TCL1A: variants seen among roughly 807,000 people sequenced by gnomAD.
TCL1A encodes the protein TCL1 family AKT coactivator A.
Under a neutral mutation model 16.9 loss-of-function variants are expected in TCL1A, and 9 were observed. The ratio of observed to expected loss-of-function variants is 0.53; its 90% CI spans 0.32 to 0.93. The LOEUF (loss-of-function observed/expected upper bound fraction) is 0.93, where lower values mean the gene tolerates loss of function less well. TCL1A is among the 40% of genes least tolerant of loss of function. The pLI is 0.04. For missense variants in TCL1A, 139 were observed against 153.0 expected, an observed-to-expected ratio of 0.91 and a Z score of 0.48; for synonymous variants, 69 against 63.2, an observed-to-expected ratio of 1.09 and a Z score of -0.44.
chr14:95,711,817 G>C lies in TCL1A; in HGVS notation c.298-15C>G. On this transcript the variant is annotated splice_polypyrimidine_tract_variant and intron_variant, in intron 2 of 3. Coordinates refer to ENST00000402399, the MANE Select transcript of TCL1A (RefSeq NM_021966.3). ...ACGCCGTCAATCTGAGAGGCAGAGA[G>C]AGAGAGAAGGCATTGATCGGCCAGA... 1.2e-6 allele frequency: 2 copies of C among 1,608,300 alleles called. No homozygotes were observed. Among genetic ancestry groups the C allele is most frequent in the Non-Finnish European group, 1.7e-6 (2 of 1,179,810 alleles).
At chr14:95,713,858 G>A (rs552806437) in intron 1 of TCL1A, 89 bp downstream of exon 1, 4 of 1,564,958 alleles carry the variant, frequency 2.6e-6, no homozygotes, top group Admixed American at 3.5e-5. Context: ...CATAGTGAGT[G>A]CTCCTTGAGT....
In TCL1A at chr14:95,714,076, G is replaced by A. The variant is rs202169011; in HGVS notation, c.-10C>T. 2 of 1,613,150 alleles carry A rather than the reference G, an allele frequency of 1.2e-6. No individual in the cohort carries two copies. The highest frequency in any genetic ancestry group is 1.1e-5 in the South Asian group (1 of 91,054). Reference sequence around the variant, plus strand: ...TCGGGCACTCGGCCATGGCGTCCTCGGGCCGCCTAAGAAGCAAGAGCCAGA... The same window carrying A: ...TCGGGCACTCGGCCATGGCGTCCTCAGGCCGCCTAAGAAGCAAGAGCCAGA... On this transcript the variant is annotated 5_prime_UTR_variant, in exon 1 of 4. Coordinates refer to ENST00000402399, the MANE Select transcript of TCL1A (RefSeq NM_021966.3).
At chr14:95,712,155 A>C (rs2139720567) in intron 2 of TCL1A, 65 bp downstream of exon 2, 1 of 1,586,200 alleles carries the variant, frequency 6.3e-7, no homozygotes, top group Non-Finnish European at 8.7e-7. Context: ...TAAACCACTA[A>C]GGCCAGACAT....
chr14:95,712,517 G>A, intron 1 of TCL1A, 121 bp from the exon 2 acceptor site: 1 of 1,492,300 alleles, frequency 6.7e-7, no homozygotes, highest in Non-Finnish European at 8.9e-7. Context: ...GTCCGAGTGT[G>A]AAATGATGGT....
intron 1 of TCL1A, among the ~76,000 whole-genome samples, chr14:95,713,670 A>G (rs371622034): frequency 2.0e-5 from 3 of 152,334 alleles, no homozygotes; most frequent in Middle Eastern, 3.4e-3. Flanking sequence ...AGGACCCCGA[A>G]GCCCAGAAAA....
At chr14:95,713,506 T>G (rs567307767) in intron 1 of TCL1A, among the ~76,000 whole-genome samples, 2 of 152,258 alleles carry the variant, frequency 1.3e-5, no homozygotes, top group East Asian at 1.9e-4. Context: ...TAGTGGAAAA[T>G]ACTTCACACT....
At position 95,714,040 on chromosome 14, in the gene TCL1A, C is replaced by T. The variant is rs1372339740; in HGVS notation, c.27G>A (p.Glu9=). The change falls in exon 1 of 4, where the codon GAG becomes GAA. Residue 9 remains glutamate (E), a synonymous_variant. Transcript: ENST00000402399. The stretch of plus-strand genomic sequence containing the variant: ...GGCGGTCCGGGTGGTCGGTGACTGC[C>T]TCCCCGAGTGTCGGGCACTCGGCCA... The part of the protein sequence containing the change: MAECPTLG[E]AVTDHPDRLW... 2.5e-6 allele frequency: 4 copies of T among 1,614,072 alleles called. No homozygotes were observed. The highest frequency in any genetic ancestry group is 2.5e-6 in the Non-Finnish European group (3 of 1,180,032).
rs185093566 is a variant in TCL1A, at chr14:95,711,413, G to A, written c.*6+336C>T. 577 of 182,512 alleles carry A rather than the reference G, an allele frequency of 3.2e-3. 5 individuals carry two copies. Among genetic ancestry groups the A allele is most frequent in the African/African-American group, 0.012 (519 of 42,266 alleles). 11.3% of individuals were successfully genotyped at this position (182,512 alleles called of 1,614,324 possible). On this transcript the variant is annotated intron_variant, in intron 3 of 3. Transcript: ENST00000402399. The stretch of plus-strand genomic sequence containing the variant: ...GAACCCGGGAGGCAGAGCTTGCAGT[G>A]AGCTGAGATTGCACCACTACACTCT...
At position 95,712,301 on chromosome 14, in the gene TCL1A, C is replaced by T. The variant is rs1250164696; in HGVS notation, c.216G>A (p.Leu72=). The part of the protein sequence containing the change: ...MTPTQIGPSL[L]PIMWQLYPDG... ...CAGGGTAGAGCTGCCACATGATAGGCAGCAGGCTTGGGCCTATCTGGGTGG... is the reference window on the plus strand; with the variant it reads ...CAGGGTAGAGCTGCCACATGATAGGTAGCAGGCTTGGGCCTATCTGGGTGG... The change falls in exon 2 of 4, where the codon CTG becomes CTA. Residue 72 remains leucine (L), a synonymous_variant. Transcript: ENST00000402399. The T allele has an allele frequency of 3.7e-6, 6 of 1,614,066 alleles. No individual in the cohort carries two copies. In the Admixed American group the frequency reaches 1.0e-4, roughly 27 times the overall value.
chr14:95,712,722 G>T, intron 1 of TCL1A: 2 of 1,321,614 alleles, frequency 1.5e-6, no homozygotes, highest in Non-Finnish European at 2.0e-6. Flanking sequence ...CAGGAGGATC[G>T]CTTGAGGCCA....
chr14:95,712,790 A>G (rs1275362648), intron 1 of TCL1A: 5 of 753,782 alleles, frequency 6.6e-6, no homozygotes, highest in Non-Finnish European at 9.7e-6. Flanking sequence ...GGAAAAAAAA[A>G]AAACAACAAA....
rs772366831 is a variant in TCL1A, at chr14:95,712,372, C to T, written c.145G>A (p.Val49Met). Residue 49 changes from valine (V) to methionine (M), a missense_variant, in exon 2 of 4, where the codon GTG becomes ATG. Val to Met is a conservative substitution (Grantham distance 21). Around this residue, in one of 2 missense-constraint regions of TCL1A, gnomAD observed 94 missense variants for 80.2 expected, o/e 1.17. Coordinates refer to ENST00000402399, the MANE Select transcript of TCL1A (RefSeq NM_021966.3). ...IEIKDRLQLR[V>M]LLRREDVVLG... is the part of the protein sequence containing the mutation. ...ACGACGTCTTCCCGACGCAAGAGCACCCGTAACTGTAACCTATCCTTTATC... is the reference window on the plus strand; with the variant it reads ...ACGACGTCTTCCCGACGCAAGAGCATCCGTAACTGTAACCTATCCTTTATC... The T allele has an allele frequency of 5.6e-6, 9 of 1,612,436 alleles. No homozygotes were observed. Among genetic ancestry groups the T allele is most frequent in the Non-Finnish European group, 7.6e-6 (9 of 1,178,758 alleles).
At chr14:95,713,043 T>C (rs1886408924) in intron 1 of TCL1A, among the ~76,000 whole-genome samples, 1 of 152,216 alleles carries the variant, frequency 6.6e-6, no homozygotes, top group Non-Finnish European at 1.5e-5. Flanking sequence ...TTTAACTTGA[T>C]TTTTAAAGTA....
intron 1 of TCL1A, among the ~76,000 whole-genome samples, 155 bp downstream of exon 1, chr14:95,713,792 T>C (rs577156857): frequency 1.3e-5 from 2 of 152,328 alleles, no homozygotes; most frequent in South Asian, 2.1e-4. Flanking sequence ...AGAACTCCTA[T>C]TCATCCTCCA....
At chr14:95,713,525 G>A (rs976602687) in intron 1 of TCL1A, among the ~76,000 whole-genome samples, 1 of 152,304 alleles carries the variant, frequency 6.6e-6, no homozygotes, top group East Asian at 1.9e-4. Context: ...CTCTAGGCCA[G>A]TGTTTGCTAT....
At chr14:95,713,679 A>G (rs549321794) in intron 1 of TCL1A, among the ~76,000 whole-genome samples, 1 of 152,306 alleles carries the variant, frequency 6.6e-6, no homozygotes, top group African/African-American at 2.4e-5. Context: ...AAGCCCAGAA[A>G]ATGCCTGCTG....
At chr14:95,713,470 T>G (rs993696845) in intron 1 of TCL1A, among the ~76,000 whole-genome samples, 1 of 152,192 alleles carries the variant, frequency 6.6e-6, no homozygotes, top group East Asian at 1.9e-4. Flanking sequence ...ACTTGTTAAA[T>G]TTGTTTTCTA....
Position 95,714,096 on chromosome 14 carries a change from G to C in TCL1A, c.-30C>G, listed in dbSNP as rs373340060. The C allele has an allele frequency of 6.2e-7, 1 of 1,611,408 alleles. No individual in the cohort carries two copies. Among genetic ancestry groups the C allele is most frequent in the Non-Finnish European group, 8.5e-7 (1 of 1,179,730 alleles). The stretch of plus-strand genomic sequence containing the variant: ...TCCTCGGGCCGCCTAAGAAGCAAGA[G>C]CCAGAGCCTCTCAAGGCCGCTCGCT... On this transcript the variant is annotated 5_prime_UTR_variant, in exon 1 of 4. Transcript: ENST00000402399.
In TCL1A at chr14:95,710,616, A is replaced by C. The variant is rs1886322664; in HGVS notation, c.*272T>G. ...ATCCAGCTGAGAAAAGCCGAGGCAC[A>C]GGTATAGCTGGGCACCTGGAAGAAG... On this transcript the variant is annotated 3_prime_UTR_variant, in exon 4 of 4. Coordinates refer to ENST00000402399, the MANE Select transcript of TCL1A (RefSeq NM_021966.3). 6.6e-6 allele frequency: 1 copy of C among 152,524 alleles called. No homozygotes were observed. The allele number at this position is 152,524 out of a possible 1,614,324, so 9.4% of individuals were successfully genotyped here. A position where few individuals can be genotyped will look rare whatever the true frequency, so the allele number is the denominator to read the frequency against.
Sources: gnomAD v4.1 joint callset for allele counts (sites outside exome capture counted in the v4.1 genomes callset) on GRCh38, gnomAD v4.1.1 for gene constraint, gnomAD v4.1.1 regional missense constraint, MANE v1.5 for transcripts, NCBI Gene and HGNC (gene_info 2026-07-23, HGNC 2026-07-21) for gene names.